Variants in TAF1 observed in about 807,000 individuals in gnomAD.
TAF1 encodes transcription initiation factor TFIID subunit 1.
A neutral mutation model predicts 138.5 loss-of-function variants in TAF1; 2 were observed. The ratio of observed to expected loss-of-function variants is 0.01; its 90% CI spans 0.01 to 0.05. The LOEUF is 0.05. Ranked by LOEUF, TAF1 falls within the 10% of genes least tolerant of loss-of-function variation. The pLI, the probability that TAF1 is intolerant of heterozygous loss-of-function variation, is 1.00. For missense variants in TAF1, 709 were observed against 1,478.0 expected (o/e 0.48, Z 8.53); for synonymous variants, 437 against 503.2 (o/e 0.87, Z 1.76).
At chrX:71,432,499 CTT>C (rs200161016) in intron 32 of TAF1, among the ~76,000 whole-genome samples, 22 of 97,330 alleles carry the variant, frequency 2.3e-4, no homozygotes, top group Non-Finnish European at 3.8e-4. Flanking sequence ...AAGATGGAGA[CTT>C]TTTTTTTTTT....
intron 13 of TAF1, among the ~76,000 whole-genome samples, chrX:71,526,575 G>A (rs1569419106): frequency 8.9e-6 from 1 of 111,783 alleles, no homozygotes; most frequent in Non-Finnish European, 1.9e-5. Context: ...TTTGGAAAAC[G>A]ATGTTCTAAA....
At chrX:71,489,279 A>T (rs2039230989) in intron 13 of TAF1, among the ~76,000 whole-genome samples, 1 of 110,909 alleles carries the variant, frequency 9.0e-6, no homozygotes, top group Non-Finnish European at 1.9e-5. Flanking sequence ...CTGGGGTTTA[A>T]GATGTCAGAG....
At chrX:71,382,254 T>G (rs2033935517) in intron 9 of TAF1, among the ~76,000 whole-genome samples, 1 of 111,591 alleles carries the variant, frequency 9.0e-6, no homozygotes, top group Non-Finnish European at 1.9e-5. Context: ...TAGGGAAAAC[T>G]CATGTAGGAC....
At chrX:71,417,469 A>G (rs1042489384) in intron 28 of TAF1, among the ~76,000 whole-genome samples, 1 of 109,978 alleles carries the variant, frequency 9.1e-6, no homozygotes, top group Admixed American at 9.7e-5. Flanking sequence ...TGATTCTCCC[A>G]CCTCAGCCTC....
chrX:71,456,707 C>CTTTTTTTT (rs2038318054), intron 34 of TAF1, among the ~76,000 whole-genome samples: 8 of 53,685 alleles, frequency 1.5e-4, no homozygotes, highest in African/African-American at 2.4e-4. Flanking sequence ...CCGAGTTTTG[C>CTTTTTTTT]TCTTGTCACC....
intron 13 of TAF1, among the ~76,000 whole-genome samples, chrX:71,520,066 G>C (rs2039902947): frequency 9.1e-6 from 1 of 109,927 alleles, no homozygotes; most frequent in Non-Finnish European, 1.9e-5. Context: ...CGCCCACCTC[G>C]GCCTCCCAAA....
intron 13 of TAF1, among the ~76,000 whole-genome samples, chrX:71,482,466 G>C (rs964857030): frequency 8.9e-6 from 1 of 112,438 alleles, no homozygotes; most frequent in African/African-American, 3.2e-5. Flanking sequence ...CCAGACCACT[G>C]CAATAAAGTA....
chrX:71,508,937 G>T (rs2039684656), intron 13 of TAF1, among the ~76,000 whole-genome samples: 1 of 109,203 alleles, frequency 9.2e-6, no homozygotes, highest in South Asian at 4.0e-4. Flanking sequence ...CTCCTGAGTA[G>T]CTGGGACTAT....
At chrX:71,505,761 C>CACCTTGGGAGCACTT (rs2039609413) in intron 13 of TAF1, among the ~76,000 whole-genome samples, 1 of 111,963 alleles carries the variant, frequency 8.9e-6, no homozygotes, top group Non-Finnish European at 1.9e-5. Flanking sequence ...TGGCTCATGC[C>CACCTTGGGAGCACTT]TGTAATCCCA....
chrX:71,368,270 C>G (rs2032721359), intron 3 of TAF1, 100 bp downstream of exon 3: 6 of 868,334 alleles, frequency 6.9e-6, no homozygotes, highest in Non-Finnish European at 9.8e-6. Context: ...GCCATTGTTT[C>G]TGCTCTCTAT....
At position 71,368,149 on chromosome X, in the gene TAF1, T is replaced by A; in HGVS notation, c.331T>A (p.Leu111Met). ...AAGATACCAGCAGACGATGGGGAGCTTGCAGCCCCTTTGCCACTCAGGTGA... is the reference window on the plus strand; with the variant it reads ...AAGATACCAGCAGACGATGGGGAGCATGCAGCCCCTTTGCCACTCAGGTGA... ...SRRYQQTMGS[L>M]QPLCHSDYDE... is the part of the protein sequence containing the mutation. The change falls in exon 3 of 38, where the codon TTG becomes ATG. Residue 111 changes from leucine (L) to methionine (M), a missense_variant. Leu to Met is a conservative substitution (Grantham distance 15, BLOSUM62 2). This residue lies in a region of TAF1 where 123 missense variants were observed against 161.6 expected (regional missense o/e 0.76). Coordinates refer to ENST00000423759, the MANE Select transcript of TAF1 (RefSeq NM_004606.5). 1 of 1,211,741 alleles carries A rather than the reference T, an allele frequency of 8.3e-7. No individual in the cohort carries two copies.
chrX:71,462,653 C>G (rs1371410297), intron 37 of TAF1, among the ~76,000 whole-genome samples: 1 of 111,517 alleles, frequency 9.0e-6, no homozygotes, highest in African/African-American at 3.3e-5. Flanking sequence ...ATTTTTTTAC[C>G]TATCATATTG....
chrX:71,479,006 G>C (rs1413297351), intron 13 of TAF1, among the ~76,000 whole-genome samples: 1 of 112,581 alleles, frequency 8.9e-6, no homozygotes, highest in East Asian at 2.8e-4. Context: ...CAGAAGACAT[G>C]TACAAGAATT....
At chrX:71,529,797 G>A (rs758060768) in exon 15 of TAF1, 36 of 324,762 alleles carry the variant, frequency 1.1e-4, no homozygotes, top group Non-Finnish European at 1.9e-4. Context: ...TCTCATCTCC[G>A]TTTTGATACG....
chrX:71,450,130 G>C (rs1311542023), intron 32 of TAF1, among the ~76,000 whole-genome samples: 1 of 111,393 alleles, frequency 9.0e-6, no homozygotes, highest in South Asian at 3.7e-4. Context: ...GGCAGTTTCT[G>C]TGAGGATACA....
intron 32 of TAF1, among the ~76,000 whole-genome samples, chrX:71,440,020 C>G (rs781625248): frequency 3.6e-5 from 4 of 110,976 alleles, no homozygotes; most frequent in African/African-American, 1.3e-4. Flanking sequence ...TTCCTGTAAC[C>G]ACCACCACAA....
At chrX:71,530,395 G>T, downstream of TAF1, 1 of 113,343 alleles carries the variant, frequency 8.8e-6, no homozygotes, top group South Asian at 3.5e-4. Context: ...TGAAGCCACG[G>T]ACCTTCACGG....
chrX:71,459,367 C>G (rs1602749816), intron 35 of TAF1, 185 bp from the exon 36 acceptor site: 1 of 1,014,340 alleles, frequency 9.9e-7, no homozygotes, highest in African/African-American at 1.9e-5. Flanking sequence ...TTAGTGAGCC[C>G]CAATCTGACT....
chrX:71,523,157 G>A (rs759984064), intron 13 of TAF1, among the ~76,000 whole-genome samples: 36 of 93,280 alleles, frequency 3.9e-4, no homozygotes, highest in African/African-American at 1.5e-3. Flanking sequence ...GCTCCAGCCT[G>A]GAGACAGAGC....
Sources: allele counts gnomAD v4.1 joint callset (sites outside exome capture counted in the v4.1 genomes callset), GRCh38; gene constraint gnomAD v4.1.1; regional missense constraint gnomAD v4.1.1; transcripts MANE v1.5; gene names NCBI Gene and HGNC (gene_info 2026-07-23, HGNC 2026-07-21).